The following GRID2 variants were observed in gnomAD, a reference collection of about 807,000 sequenced individuals.
GRID2 encodes glutamate ionotropic receptor delta type subunit 2, also known as glutamate receptor ionotropic, delta-2.
GRID2 carries 33 observed loss-of-function variants against 114.8 expected under a neutral mutation model. The observed-to-expected ratio is 0.29, with a 90% CI of 0.22 to 0.38. GRID2 has a LOEUF of 0.38. GRID2 is among the 10% of genes least tolerant of loss of function. The pLI is 1.00. For synonymous variants in GRID2, 505 were observed against 449.9 expected (o/e 1.12, Z -1.55); for missense variants, 1,184 against 1,257.7 (o/e 0.94, Z 0.89).
intron 2 of GRID2, among the ~76,000 whole-genome samples, chr4:92,643,392 T>C (rs1249205139): frequency 6.6e-6 from 1 of 151,728 alleles, no homozygotes; most frequent in Non-Finnish European, 1.5e-5. Flanking sequence ...AAAGAATAAG[T>C]CAAACTATCT....
At chr4:93,376,167 G>T (rs940520257) in intron 8 of GRID2, among the ~76,000 whole-genome samples, 1 of 152,092 alleles carries the variant, frequency 6.6e-6, no homozygotes, top group Non-Finnish European at 1.5e-5. Flanking sequence ...AGGTACTGGG[G>T]GTTAGGGCGT....
At chr4:93,799,139 T>G (rs1734867584) in intron 1 of GRID2, among the ~76,000 whole-genome samples, 1 of 152,220 alleles carries the variant, frequency 6.6e-6, no homozygotes, top group South Asian at 2.1e-4. Flanking sequence ...TATTAATAAT[T>G]TATGCCTCAG....
intron 14 of GRID2, among the ~76,000 whole-genome samples, chr4:93,706,067 G>A (rs1398006187): frequency 6.6e-6 from 1 of 152,072 alleles, no homozygotes; most frequent in East Asian, 1.9e-4. Flanking sequence ...GTACCGTGTT[G>A]TTTTGATCAC....
chr4:92,891,991 CA>C (rs1207680897), intron 2 of GRID2, among the ~76,000 whole-genome samples: 1 of 151,918 alleles, frequency 6.6e-6, no homozygotes, highest in Non-Finnish European at 1.5e-5. Flanking sequence ...ATTTTGCACC[CA>C]AAAGTATCTC....
At chr4:93,231,548 A>T (rs2149501538) in intron 7 of GRID2, among the ~76,000 whole-genome samples, 1 of 152,236 alleles carries the variant, frequency 6.6e-6, no homozygotes, top group African/African-American at 2.4e-5. Flanking sequence ...TGTGGTACAT[A>T]CTGAGATACT....
chr4:92,875,072 C>T lies in GRID2; in HGVS notation c.245-209923C>T, dbSNP rs141960523. ...TAGATGTAAATATTGTTTAAATTTA[C>T]GGTGAAATTTCGTGTGCCAAGGAAC... On this transcript the variant is annotated intron_variant, in intron 2 of 15. Coordinates refer to ENST00000282020, the MANE Select transcript of GRID2 (RefSeq NM_001510.4). 3.4e-3 allele frequency among the ~76,000 whole-genome samples: 494 copies of T among 147,438 alleles called. 7 individuals are homozygous for T. In the East Asian group the frequency reaches 0.045, roughly 13 times the overall value.
intron 1 of GRID2, among the ~76,000 whole-genome samples, chr4:92,571,498 T>C (rs932654125): frequency 6.6e-6 from 1 of 151,770 alleles, no homozygotes; most frequent in Non-Finnish European, 1.5e-5. Context: ...AACAAGGATA[T>C]CCAGGAATTG....
chr4:93,644,275 C>A (rs560330409), intron 14 of GRID2, among the ~76,000 whole-genome samples: 1 of 48,964 alleles, frequency 2.0e-5, no homozygotes, highest in East Asian at 2.6e-4. Flanking sequence ...CCGTCTTCTG[C>A]GTCGCTCACG....
intron 2 of GRID2, chr4:92,833,931 A>G (rs535087385): frequency 6.6e-6 from 1 of 152,292 alleles, no homozygotes; most frequent in Non-Finnish European, 1.5e-5. Context: ...CCATCATGAC[A>G]TGGAAAACTA....
chr4:92,940,737 A>G (rs539267154), intron 2 of GRID2, among the ~76,000 whole-genome samples: 24 of 152,114 alleles, frequency 1.6e-4, no homozygotes, highest in Admixed American at 2.6e-4. Flanking sequence ...TTTGAGATAC[A>G]TCCCATCAAT....
At chr4:93,486,074 A>C (rs1271312557) in intron 11 of GRID2, among the ~76,000 whole-genome samples, 1 of 151,664 alleles carries the variant, frequency 6.6e-6, no homozygotes, top group Non-Finnish European at 1.5e-5. Flanking sequence ...GAGGTCTCTC[A>C]TATCTTTAAA....
chr4:92,433,894 AAG>A (rs1732598447), intron 1 of GRID2, among the ~76,000 whole-genome samples: 1 of 152,220 alleles, frequency 6.6e-6, no homozygotes, highest in Non-Finnish European at 1.5e-5. Context: ...TGAAAATTAA[AAG>A]AGAGCAAGCA....
chr4:92,979,102 A>G (rs1754038786), intron 2 of GRID2, among the ~76,000 whole-genome samples: 3 of 152,118 alleles, frequency 2.0e-5, no homozygotes, highest in Non-Finnish European at 4.4e-5. Context: ...ATATGTAGCT[A>G]TTGGTCACTT....
At chr4:93,432,149 AG>A (rs1769476698) in intron 10 of GRID2, among the ~76,000 whole-genome samples, 1 of 152,330 alleles carries the variant, frequency 6.6e-6, no homozygotes, top group African/African-American at 2.4e-5. Flanking sequence ...AACAGATAAA[AG>A]AATAGATCAG....
At chr4:93,688,296 C>G (rs75263523) in intron 14 of GRID2, among the ~76,000 whole-genome samples, 6,255 of 151,924 alleles carry the variant, frequency 0.041, 199 homozygotes, top group African/African-American at 0.081. Flanking sequence ...CAGGTGTTTA[C>G]CACCTGTACA....
rs72175096 is a variant in GRID2, at chr4:92,848,218, A to AT, written c.245-236762dup. Among the ~76,000 whole-genome samples the AT allele has an allele frequency of 9.2e-3, 1,320 of 142,728 alleles. 26 individuals carry two copies. The highest frequency in any genetic ancestry group is 0.03 in the African/African-American group (1,158 of 38,664). The allele number at this position is 142,728 out of a possible 152,430, so 93.6% of individuals were successfully genotyped here. A position where few individuals can be genotyped will look rare whatever the true frequency, so the allele number is the denominator to read the frequency against. On this transcript the variant is annotated intron_variant, in intron 2 of 15. Transcript: ENST00000282020. ...AACAAACACAATCACACATTCAGGG[A>AT]TTTTTTTTTTTTTTTCACAGAGATC...
chr4:93,019,449 A>T (rs773485091), intron 2 of GRID2, among the ~76,000 whole-genome samples: 1 of 152,166 alleles, frequency 6.6e-6, no homozygotes, highest in Non-Finnish European at 1.5e-5. Context: ...TATTTAACCA[A>T]TTGCTGTGAT....
At chr4:93,368,765 T>G (rs938196142) in intron 8 of GRID2, among the ~76,000 whole-genome samples, 1 of 152,170 alleles carries the variant, frequency 6.6e-6, no homozygotes, top group Non-Finnish European at 1.5e-5. Context: ...ATCACAATCA[T>G]AAAATGGGAT....
chr4:93,395,523 C>T, intron 8 of GRID2, 84 bp from the exon 9 acceptor site: 1 of 677,056 alleles, frequency 1.5e-6, no homozygotes, highest in Non-Finnish European at 2.7e-6. Flanking sequence ...TAAGAGCTAT[C>T]ACATAGTTCT....
Sources: gnomAD v4.1 joint callset for allele counts (sites outside exome capture counted in the v4.1 genomes callset) on GRCh38, gnomAD v4.1.1 for gene constraint, MANE v1.5 for transcripts, NCBI Gene and HGNC (gene_info 2026-07-23, HGNC 2026-07-21) for gene names.